Variants in SNED1 observed in about 807,000 individuals in gnomAD.
SNED1 encodes sushi, nidogen and EGF-like domain-containing protein 1.
SNED1 carries 81 observed loss-of-function variants against 166.7 expected under a neutral mutation model. The observed-to-expected ratio is 0.49, with a 90% CI of 0.41 to 0.58. The LOEUF (loss-of-function observed/expected upper bound fraction) is 0.58, where lower values mean the gene tolerates loss of function less well. Ranked by LOEUF, SNED1 falls within the 20% of genes least tolerant of loss-of-function variation. SNED1 has a pLI of 0.00. For missense variants in SNED1, 1,604 were observed against 2,000.2 expected (o/e 0.80, Z 3.78); for synonymous variants, 762 against 822.0 (o/e 0.93, Z 1.25).
At chr2:241,019,888 T>G (rs192073317) in intron 1 of SNED1, among the ~76,000 whole-genome samples, 20 of 152,212 alleles carry the variant, frequency 1.3e-4, no homozygotes, top group African/African-American at 4.3e-4. Context: ...TAGTGACTAT[T>G]TTCAGCTTTT....
At chr2:241,037,661 C>G (rs2061414700) in intron 6 of SNED1, among the ~76,000 whole-genome samples, 1 of 152,230 alleles carries the variant, frequency 6.6e-6, no homozygotes, top group Admixed American at 6.5e-5. Flanking sequence ...GTCAGACAGG[C>G]ACCAGAGCCC....
Position 241,070,130 on chromosome 2 carries a change from CT to C in SNED1, c.3519del (p.Val1174Ter), listed in dbSNP as rs768170236. 1 of 1,612,382 alleles carries C rather than the reference CT, an allele frequency of 6.2e-7. No homozygotes were observed. The highest frequency in any genetic ancestry group is 1.1e-5 in the South Asian group (1 of 91,010). On this transcript the variant is annotated frameshift_variant, in exon 24 of 32. Transcript: ENST00000310397. LOFTEE classifies it high-confidence loss of function. ...CTGCCGGGACGGCGGTACCAGCTCT[CT>C]GTGATAGCAGTGCAGAGCACGGAGC... Reference protein sequence around the residue: ...DLLPGRRYQLSVIAVQSTELG... With the variant: ...DLLPGRRYQLXVIAVQSTELG...
In SNED1 at chr2:241,065,396, G is replaced by T. The variant is rs2062396940; in HGVS notation, c.2811G>T (p.Met937Ile). 1 of 1,613,246 alleles carries T rather than the reference G, an allele frequency of 6.2e-7. No individual in the cohort carries two copies. The highest frequency in any genetic ancestry group is 8.5e-7 in the Non-Finnish European group (1 of 1,179,874). ...NPPNGPAARQ[M>I]LDGYAVTYVS... ...CCAATGGTCCAGCCGCCAGGCAGAT[G>T]CTTGATGGCTACGCGGTCACCTACG... Residue 937 changes from methionine (M) to isoleucine (I), a missense_variant, in exon 21 of 32, where the codon ATG becomes ATT. Met to Ile is a conservative substitution (Grantham distance 10, BLOSUM62 1). This residue lies in a region of SNED1 where 1,237 missense variants were observed against 1,620.8 expected (regional missense o/e 0.76). Transcript: ENST00000310397.
rs138558839 is a variant in SNED1 at position 241,090,639 on chromosome 2, G to A, written c.*2-999G>A. On this transcript the variant is annotated intron_variant, in intron 31 of 31. Coordinates refer to ENST00000310397, the MANE Select transcript of SNED1 (RefSeq NM_001080437.3). Reference sequence around the variant, plus strand: ...TCTAGCACTTTGGGAGGCCGAGGCCGGCGGATCACTTGAGGCCAGGAGTTC... The same window carrying A: ...TCTAGCACTTTGGGAGGCCGAGGCCAGCGGATCACTTGAGGCCAGGAGTTC... 7.6e-4 allele frequency among the ~76,000 whole-genome samples: 115 copies of A among 152,220 alleles called. 1 individual carries two copies. In the Middle Eastern group the frequency reaches 0.034, roughly 45 times the overall value.
Position 241,070,058 on chromosome 2 carries a change from G to A in SNED1, c.3446G>A (p.Arg1149His), listed in dbSNP as rs375573059. 36 of 1,612,968 alleles carry A rather than the reference G, an allele frequency of 2.2e-5. No homozygotes were observed. Among genetic ancestry groups the A allele is most frequent in the South Asian group, 3.3e-5 (3 of 91,086 alleles). ...NVTTSQSTKS[R>H]YVPNGKLASY... ...ACCACCAGCCAGAGCACCAAGAGCCGCTATGTCCCCAACGGGAAGCTGGCG... is the reference window on the plus strand; with the variant it reads ...ACCACCAGCCAGAGCACCAAGAGCCACTATGTCCCCAACGGGAAGCTGGCG... The change falls in exon 24 of 32, where the codon CGC (arginine) becomes CAC (histidine). Residue 1149 changes from arginine (R) to histidine (H), a missense_variant. Coordinates refer to ENST00000310397, the MANE Select transcript of SNED1 (RefSeq NM_001080437.3).
chr2:241,081,902 T>C, intron 28 of SNED1, 109 bp downstream of exon 28: 1 of 822,080 alleles, frequency 1.2e-6, no homozygotes, highest in South Asian at 1.5e-5. Context: ...AACGATGAGG[T>C]GCCAGACAGG....
Position 241,051,437 on chromosome 2 carries a change from G to A in SNED1, c.1736-307G>A, listed in dbSNP as rs117315675. ...GTGTGCAGGAGGGAGGGAGTGCTGCGCCCGCTGCAGTGTTGGGGCCGGTTC... is the reference window on the plus strand; with the variant it reads ...GTGTGCAGGAGGGAGGGAGTGCTGCACCCGCTGCAGTGTTGGGGCCGGTTC... On this transcript the variant is annotated intron_variant, in intron 12 of 31. Coordinates refer to ENST00000310397, the MANE Select transcript of SNED1 (RefSeq NM_001080437.3). The surrounding 1 kb of genome is among the most constrained non-coding windows in gnomAD (Gnocchi z 4.7). The A allele has an allele frequency of 0.027, 8,168 of 303,278 alleles. 696 individuals are homozygous for A. Among genetic ancestry groups the A allele is most frequent in the East Asian group, 0.19 (3,677 of 18,948 alleles). 18.8% of individuals were successfully genotyped at this position (303,278 alleles called of 1,614,324 possible).
rs578172963 is a variant in SNED1, at chr2:241,011,498, C to T, written c.213+12448C>T. 5.9e-5 allele frequency among the ~76,000 whole-genome samples: 9 copies of T among 152,346 alleles called. No homozygotes were observed. In the South Asian group the frequency reaches 1.4e-3, roughly 25 times the overall value. On this transcript the variant is annotated intron_variant, in intron 1 of 31. Transcript: ENST00000310397. Reference sequence around the variant, plus strand: ...CGAAGTCAGGACGAGGGACTAAACCCGCACTGTTCCTCTACGAGTGCTCAG... The same window carrying T: ...CGAAGTCAGGACGAGGGACTAAACCTGCACTGTTCCTCTACGAGTGCTCAG...
Position 241,030,265 on chromosome 2 carries a change from C to G in SNED1, c.214-19C>G, listed in dbSNP as rs374222753. ...CCACAGCCCCCAGTCAATCCCCGCT[C>G]TGGCTTTCTGCCTCCCAGGTGAACA... On this transcript the variant is annotated intron_variant, in intron 1 of 31. Coordinates refer to ENST00000310397, the MANE Select transcript of SNED1 (RefSeq NM_001080437.3). 1.7e-5 allele frequency: 26 copies of G among 1,551,788 alleles called. No individual in the cohort carries two copies. The African/African-American group carries it at 3.3e-4, about 20-fold the overall frequency.
At chr2:241,082,248 T>C (rs1416301173) in intron 28 of SNED1, 29 bp from the exon 29 acceptor site, 1 of 1,571,504 alleles carries the variant, frequency 6.4e-7, no homozygotes, top group Admixed American at 1.7e-5. Context: ...CAGGAGCACC[T>C]GGTGAGCCAC....
In SNED1 at chr2:241,091,186, AG is replaced by A. The variant is rs535786066; in HGVS notation, c.*2-451del. ...AAATAATGGAGACAACACACAAAAA[AG>A]CAGGAAACAGAAACACACGCACCCA... On this transcript the variant is annotated intron_variant, in intron 31 of 31. Transcript: ENST00000310397. The surrounding 1 kb of genome is among the most constrained non-coding windows in gnomAD (Gnocchi z 4.1). 4.7e-4 allele frequency among the ~76,000 whole-genome samples: 71 copies of A among 152,376 alleles called. No individual in the cohort carries two copies. The highest frequency in any genetic ancestry group is 1.6e-3 in the African/African-American group (67 of 41,590).
intron 8 of SNED1, among the ~76,000 whole-genome samples, chr2:241,043,587 G>T (rs2061571053): frequency 6.6e-6 from 1 of 152,084 alleles, no homozygotes; most frequent in African/African-American, 2.4e-5. Flanking sequence ...AATGAAGAGT[G>T]TTAAAAATGA....
In SNED1 at chr2:241,018,907, T is replaced by C. The variant is rs1574887320; in HGVS notation, c.214-11377T>C. Among the ~76,000 whole-genome samples, 1 of 152,082 alleles carries C rather than the reference T, an allele frequency of 6.6e-6. No homozygotes were observed. Among genetic ancestry groups the C allele is most frequent in the Non-Finnish European group, 1.5e-5 (1 of 67,948 alleles). The stretch of plus-strand genomic sequence containing the variant: ...GGGGCAGCTGTCAGGGAAAGAGCCT[T>C]ATCAGGCCCAGAAACGGTCAGGGCC... On this transcript the variant is annotated intron_variant, in intron 1 of 31. Transcript: ENST00000310397. This position sits in a 1 kb window ranked among gnomAD's most constrained non-coding sequence, Gnocchi z 5.4.
rs913488244 is a variant in SNED1 at position 241,051,676 on chromosome 2, A to C, written c.1736-68A>C. 9.2e-5 allele frequency: 113 copies of C among 1,233,200 alleles called. No homozygotes were observed. The highest frequency in any genetic ancestry group is 5.9e-4 in the Middle Eastern group (3 of 5,088). 76.4% of individuals were successfully genotyped at this position (1,233,200 alleles called of 1,614,324 possible). On this transcript the variant is annotated intron_variant, in intron 12 of 31. Coordinates refer to ENST00000310397, the MANE Select transcript of SNED1 (RefSeq NM_001080437.3). The surrounding 1 kb of genome is among the most constrained non-coding windows in gnomAD (Gnocchi z 4.7). ...ACCAGAGGACTGAGGAGATGCCAGG[A>C]GGGTATAGTGGCTCTGTGGGGCCAG...
chr2:241,076,998 G>C (rs1404958996), intron 27 of SNED1, among the ~76,000 whole-genome samples: 1 of 151,742 alleles, frequency 6.6e-6, no homozygotes, highest in Non-Finnish European at 1.5e-5. Flanking sequence ...AGAATGGCGT[G>C]AACCCGGGAG....
In SNED1 at chr2:240,999,612, C is replaced by G. The variant is rs1477176371; in HGVS notation, c.213+562C>G. Among the ~76,000 whole-genome samples the G allele has an allele frequency of 1.3e-5, 2 of 152,222 alleles. No homozygotes were observed. The highest frequency in any genetic ancestry group is 3.9e-4 in the East Asian group (2 of 5,182). Reference sequence around the variant, plus strand: ...GGGCTAGCAACAGGCTTGCCCCTCCCTGCCGTCCTCTCCGCAGTCTGGGGG... The same window carrying G: ...GGGCTAGCAACAGGCTTGCCCCTCCGTGCCGTCCTCTCCGCAGTCTGGGGG... On this transcript the variant is annotated intron_variant, in intron 1 of 31. Coordinates refer to ENST00000310397, the MANE Select transcript of SNED1 (RefSeq NM_001080437.3). The surrounding 1 kb of genome is among the most constrained non-coding windows in gnomAD (Gnocchi z 5.8).
intron 5 of SNED1, 98 bp downstream of exon 5, chr2:241,037,013 A>T: frequency 1.4e-6 from 2 of 1,407,672 alleles, no homozygotes. Flanking sequence ...CCAGGGTCCC[A>T]GGTCAGGAGT....
intron 20 of SNED1, 102 bp downstream of exon 20, chr2:241,065,059 C>A: frequency 2.1e-6 from 2 of 961,306 alleles, no homozygotes; most frequent in Non-Finnish European, 1.5e-6. Context: ...CGCTGCTTGC[C>A]CAGGCCCCTT....
At chr2:241,023,752 A>G (rs759384235) in intron 1 of SNED1, among the ~76,000 whole-genome samples, 10 of 152,144 alleles carry the variant, frequency 6.6e-5, no homozygotes, top group Non-Finnish European at 1.0e-4. Flanking sequence ...ACCACTAGCA[A>G]TGCTTTTTGC....
Sources: allele counts gnomAD v4.1 joint callset (sites outside exome capture counted in the v4.1 genomes callset), GRCh38; gene constraint gnomAD v4.1.1; regional missense constraint gnomAD v4.1.1; non-coding constraint Gnocchi (gnomAD v3.1); transcripts MANE v1.5; gene names NCBI Gene and HGNC (gene_info 2026-07-23, HGNC 2026-07-21).